Variants in PWP1 observed in about 807,000 individuals in gnomAD.
PWP1 encodes the protein periodic tryptophan protein 1 homolog.
A neutral mutation model predicts 69.9 loss-of-function variants in PWP1; 47 were observed. The ratio of observed to expected loss-of-function variants is 0.67; its 90% CI spans 0.53 to 0.86. PWP1 has a LOEUF of 0.86. Ranked by LOEUF, PWP1 falls within the 40% of genes least tolerant of loss-of-function variation. PWP1 has a pLI of 0.00. For missense variants in PWP1, 551 were observed against 608.8 expected, an observed-to-expected ratio of 0.91 and a Z score of 1.00; for synonymous variants, 222 against 208.2, an observed-to-expected ratio of 1.07 and a Z score of -0.57.
rs986158815 is a variant in PWP1, at chr12:107,713,079, A to G, written c.*859A>G. ...GTCATTCTAGTGTTAATACTGTGGA[A>G]TGTCATTGGTGTAGCAACGTGGGTT... On this transcript the variant is annotated 3_prime_UTR_variant, in exon 15 of 15. Transcript: ENST00000412830. 2 of 152,352 alleles carry G rather than the reference A, an allele frequency of 1.3e-5. No homozygotes were observed. Among genetic ancestry groups the G allele is most frequent in the African/African-American group, 4.8e-5 (2 of 41,590 alleles). 9.4% of individuals were successfully genotyped at this position (152,352 alleles called of 1,614,324 possible).
Position 107,706,050 on chromosome 12 carries a change from C to G in PWP1, c.1077+1303C>G, listed in dbSNP as rs183581765. Among the ~76,000 whole-genome samples the G allele has an allele frequency of 6.7e-3, 1,024 of 152,312 alleles. 14 individuals are homozygous for G. Among genetic ancestry groups the G allele is most frequent in the African/African-American group, 0.023 (945 of 41,550 alleles). ...ACTGTTCCTATTTCTCCACATCTCT[C>G]CAGCACCTGTTGTTTCCTGACTTTT... On this transcript the variant is annotated intron_variant, in intron 11 of 14. Coordinates refer to ENST00000412830, the MANE Select transcript of PWP1 (RefSeq NM_007062.3).
intron 13 of PWP1, among the ~76,000 whole-genome samples, chr12:107,710,015 AAAAG>A (rs1889913961): frequency 6.6e-6 from 1 of 152,204 alleles, no homozygotes; most frequent in Admixed American, 6.5e-5. Flanking sequence ...AAAAATGTAA[AAAAG>A]AAAACAAAGT....
At chr12:107,693,683 A>G (rs965731306) in intron 5 of PWP1, among the ~76,000 whole-genome samples, 9 of 152,098 alleles carry the variant, frequency 5.9e-5, no homozygotes, top group South Asian at 4.1e-4. Context: ...GTGAGCTGTG[A>G]TTCTGTTTGC....
chr12:107,700,277 C>T (rs931041041), intron 8 of PWP1, among the ~76,000 whole-genome samples: 1 of 152,168 alleles, frequency 6.6e-6, no homozygotes, highest in Admixed American at 6.5e-5. Context: ...GTGCAACCAT[C>T]ACCACAATGC....
In PWP1 at chr12:107,697,584, AGAAAG is replaced by A. The variant is rs1435446216; in HGVS notation, c.737_741del (p.Gly246GlufsTer14). 2 of 1,602,950 alleles carry A rather than the reference AGAAAG, an allele frequency of 1.2e-6. No individual in the cohort carries two copies. On this transcript the variant is annotated frameshift_variant, in exon 7 of 15. Coordinates refer to ENST00000412830, the MANE Select transcript of PWP1 (RefSeq NM_007062.3). LOFTEE classifies it high-confidence loss of function. ...AGTAAACTTTCAAAAAAGAAGAAAA[AGAAAG>A]GAAAGAAGGTAAAGAAGTTAATAAA...
At chr12:107,707,140 G>T (rs1889839561) in intron 11 of PWP1, among the ~76,000 whole-genome samples, 1 of 152,018 alleles carries the variant, frequency 6.6e-6, no homozygotes, top group African/African-American at 2.4e-5. Flanking sequence ...GGATTCCTAG[G>T]TATTTTATTC....
rs755275391 is a variant in PWP1 at position 107,699,336 on chromosome 12, AC to A, written c.745-36del. On this transcript the variant is annotated intron_variant, in intron 7 of 14. Transcript: ENST00000412830. ...TATATTCAGTTTTATTATGAGGGGG[AC>A]TTTAATACAAAAAATAATTAAAACA... 3 of 1,454,028 alleles carry A rather than the reference AC, an allele frequency of 2.1e-6. No individual in the cohort carries two copies. In the Admixed American group the frequency reaches 5.3e-5, roughly 26 times the overall value. The allele number at this position is 1,454,028 out of a possible 1,614,324, so 90.1% of individuals were successfully genotyped here.
chr12:107,688,363 A>T, intron 1 of PWP1, 85 bp from the exon 2 acceptor site: 1 of 1,207,294 alleles, frequency 8.3e-7, no homozygotes, highest in Non-Finnish European at 1.2e-6. Flanking sequence ...GTTACATTTT[A>T]CATTTGTTTG....
intron 5 of PWP1, among the ~76,000 whole-genome samples, chr12:107,695,476 T>C (rs981190333): frequency 4.6e-5 from 7 of 152,182 alleles, no homozygotes. Flanking sequence ...TAATTTATTA[T>C]ATATTTACCT....
At chr12:107,701,180 G>A (rs1337896138) in intron 8 of PWP1, among the ~76,000 whole-genome samples, 1 of 152,162 alleles carries the variant, frequency 6.6e-6, no homozygotes, top group South Asian at 2.1e-4. Context: ...AGGCTGGAGT[G>A]CAGTGGCACA....
rs1268740545 is a variant in PWP1 at position 107,685,918 on chromosome 12, G to T, written c.19G>T (p.Val7Leu). Residue 7 changes from valine (V) to leucine (L), a missense_variant, in exon 1 of 15, where the codon GTG becomes TTG. Val to Leu is a conservative substitution (Grantham distance 32). Coordinates refer to ENST00000412830, the MANE Select transcript of PWP1 (RefSeq NM_007062.3). MNRSRQ[V>L]TCVAWVRCGV... ...GAGGACCATGAACCGCAGCCGCCAG[G>T]TGACGTGCGTGGCCTGGGTCCGCTG... is the stretch of plus-strand genomic sequence containing the variant. 2 of 1,613,954 alleles carry T rather than the reference G, an allele frequency of 1.2e-6. No homozygotes were observed. The highest frequency in any genetic ancestry group is 1.7e-6 in the Non-Finnish European group (2 of 1,179,980).
intron 3 of PWP1, among the ~76,000 whole-genome samples, chr12:107,690,738 A>T (rs1327959036): frequency 6.6e-6 from 1 of 152,158 alleles, no homozygotes; most frequent in Admixed American, 6.5e-5. Context: ...AGCAATGGGG[A>T]GAGGGAGAGT....
At chr12:107,709,555 G>A (rs994513858) in intron 13 of PWP1, among the ~76,000 whole-genome samples, 20 of 146,350 alleles carry the variant, frequency 1.4e-4, no homozygotes, top group African/African-American at 5.1e-4. Flanking sequence ...ACCATCCCAA[G>A]AAATCTTGAA....
intron 7 of PWP1, among the ~76,000 whole-genome samples, chr12:107,698,841 C>T (rs1040768582): frequency 3.3e-5 from 5 of 152,236 alleles, no homozygotes; most frequent in African/African-American, 4.8e-5. Flanking sequence ...GATGTTCCCA[C>T]GTTAGCTTCC....
chr12:107,689,527 C>CT (rs1308513969), intron 3 of PWP1, among the ~76,000 whole-genome samples: 1 of 152,184 alleles, frequency 6.6e-6, no homozygotes, highest in Non-Finnish European at 1.5e-5. Flanking sequence ...AGGTGGATCA[C>CT]TTGAGGTCAG....
At chr12:107,692,717 A>AGAT (rs1889502395) in intron 3 of PWP1, 97 bp from the exon 4 acceptor site, 7 of 999,598 alleles carry the variant, frequency 7.0e-6, no homozygotes, top group Middle Eastern at 3.1e-4. Context: ...GTTATAAAAT[A>AGAT]GATGATTGCA....
intron 8 of PWP1, among the ~76,000 whole-genome samples, chr12:107,702,335 C>T (rs1889730672): frequency 6.6e-6 from 1 of 151,914 alleles, no homozygotes; most frequent in South Asian, 2.1e-4. Flanking sequence ...GGCTGGAGTC[C>T]AGTGACGTGA....
At chr12:107,685,997 G>A in intron 1 of PWP1, 26 bp downstream of exon 1, 1 of 1,612,020 alleles carries the variant, frequency 6.2e-7, no homozygotes, top group Non-Finnish European at 8.5e-7. Flanking sequence ...TGGGAGACAA[G>A]GGGAGCAGCG....
intron 8 of PWP1, among the ~76,000 whole-genome samples, chr12:107,700,168 T>C (rs1291825811): frequency 6.6e-6 from 1 of 152,198 alleles, no homozygotes; most frequent in Non-Finnish European, 1.5e-5. Flanking sequence ...GGAGCTACAA[T>C]TCAAGATGAG....
Sources: gnomAD v4.1 joint callset for allele counts (sites outside exome capture counted in the v4.1 genomes callset) on GRCh38, gnomAD v4.1.1 for gene constraint, MANE v1.5 for transcripts, NCBI Gene and HGNC (gene_info 2026-07-23, HGNC 2026-07-21) for gene names.